JARID2: variants seen among roughly 807,000 people sequenced by gnomAD.
The protein encoded by JARID2 is jumonji and AT-rich interaction domain containing 2.
JARID2 carries 21 observed loss-of-function variants against 125.6 expected under a neutral mutation model. The observed-to-expected ratio is 0.17, with a 90% CI of 0.12 to 0.24. JARID2 has a LOEUF of 0.24. Among genes scored for constraint, JARID2 ranks in the 10% least tolerant of loss-of-function variants. The pLI, the probability that JARID2 is intolerant of heterozygous loss-of-function variation, is 1.00. For synonymous variants in JARID2, 736 were observed against 661.6 expected, an observed-to-expected ratio of 1.11 and a Z score of -1.73; for missense variants, 1,303 against 1,639.6, an observed-to-expected ratio of 0.79 and a Z score of 3.55.
At chr6:15,482,385 A>G (rs891839552) in intron 5 of JARID2, among the ~76,000 whole-genome samples, 4 of 152,232 alleles carry the variant, frequency 2.6e-5, no homozygotes, top group African/African-American at 9.6e-5. Context: ...TTTAATTCTC[A>G]TATCTACCAT....
chr6:15,476,717 C>T (rs1482057069), intron 5 of JARID2, among the ~76,000 whole-genome samples: 1 of 152,204 alleles, frequency 6.6e-6, no homozygotes, highest in East Asian at 1.9e-4. Context: ...TTCCAAAATA[C>T]TCTTCCATAT....
intron 4 of JARID2, among the ~76,000 whole-genome samples, chr6:15,458,885 G>A (rs530942456): frequency 1.3e-5 from 2 of 152,314 alleles, no homozygotes; most frequent in East Asian, 3.9e-4. Flanking sequence ...GTTAGGATAA[G>A]CCTCAGATTC....
intron 2 of JARID2, among the ~76,000 whole-genome samples, chr6:15,375,027 C>G (rs540049886): frequency 3.3e-5 from 5 of 152,294 alleles, no homozygotes; most frequent in South Asian, 2.1e-4. Context: ...AGGTTCTGTT[C>G]TTTTTTGAGA....
intron 8 of JARID2, among the ~76,000 whole-genome samples, chr6:15,504,013 G>T (rs1383395319): frequency 6.6e-6 from 1 of 152,224 alleles, no homozygotes; most frequent in Non-Finnish European, 1.5e-5. Context: ...TGTTAATATG[G>T]CAAGGACTCT....
intron 1 of JARID2, among the ~76,000 whole-genome samples, chr6:15,331,355 A>C (rs1561796452): frequency 6.6e-6 from 1 of 150,952 alleles, no homozygotes; most frequent in African/African-American, 2.4e-5. Context: ...AAAAACAAAA[A>C]CAAAAAAAAC....
At chr6:15,357,067 T>A (rs997593427) in intron 1 of JARID2, among the ~76,000 whole-genome samples, 1 of 152,204 alleles carries the variant, frequency 6.6e-6, no homozygotes, top group Non-Finnish European at 1.5e-5. Flanking sequence ...GTTACTTGGC[T>A]ATGTGTTCTA....
At chr6:15,514,572 G>A (rs1021749335) in intron 16 of JARID2, among the ~76,000 whole-genome samples, 10 of 152,154 alleles carry the variant, frequency 6.6e-5, no homozygotes, top group Admixed American at 2.0e-4. Context: ...GTCTCACCCC[G>A]AGTCCTGGCG....
intron 1 of JARID2, among the ~76,000 whole-genome samples, chr6:15,305,887 T>G (rs778312848): frequency 6.6e-6 from 1 of 152,252 alleles, no homozygotes; most frequent in Non-Finnish European, 1.5e-5. Context: ...TTTAGGTATT[T>G]GTGTTATATG....
intron 2 of JARID2, among the ~76,000 whole-genome samples, chr6:15,381,209 AT>A (rs2127527426): frequency 6.6e-6 from 1 of 151,466 alleles, no homozygotes; most frequent in Non-Finnish European, 1.5e-5. Context: ...AAAAAAAAAA[AT>A]TAGCCGGGCG....
At chr6:15,415,458 T>TCCCTCCC (rs1561847120) in intron 3 of JARID2, among the ~76,000 whole-genome samples, 7 of 135,218 alleles carry the variant, frequency 5.2e-5, no homozygotes, top group Non-Finnish European at 1.6e-5. Flanking sequence ...CACCCCCACC[T>TCCCTCCC]CCCTCCCGCA....
At chr6:15,492,910 A>G (rs1162702789) in intron 6 of JARID2, among the ~76,000 whole-genome samples, 1 of 152,182 alleles carries the variant, frequency 6.6e-6, no homozygotes, top group Non-Finnish European at 1.5e-5. Flanking sequence ...AACTCCTATA[A>G]TAAGAAGGAA....
chr6:15,396,148 G>A (rs17576710), intron 2 of JARID2, among the ~76,000 whole-genome samples: 13,100 of 152,160 alleles, frequency 0.086, 756 homozygotes, highest in South Asian at 0.16. Context: ...TTCATTAACC[G>A]GATCACCTTC....
At chr6:15,394,467 GC>G (rs1205553007) in intron 2 of JARID2, among the ~76,000 whole-genome samples, 1 of 152,144 alleles carries the variant, frequency 6.6e-6, no homozygotes, top group Non-Finnish European at 1.5e-5. Context: ...GGGTGTGGTG[GC>G]GCCTACCTGT....
At chr6:15,457,386 A>G (rs537645671) in intron 4 of JARID2, among the ~76,000 whole-genome samples, 3 of 152,186 alleles carry the variant, frequency 2.0e-5, no homozygotes, top group Non-Finnish European at 4.4e-5. Flanking sequence ...GCTGATTCCA[A>G]AGCAAACATA....
chr6:15,393,729 G>A (rs1280982697), intron 2 of JARID2, among the ~76,000 whole-genome samples: 1 of 152,140 alleles, frequency 6.6e-6, no homozygotes, highest in African/African-American at 2.4e-5. Flanking sequence ...AGTGATTACT[G>A]GTATATTGGG....
At position 15,373,968 on chromosome 6, in the gene JARID2, T is replaced by C; in HGVS notation, c.46-149T>C. On this transcript the variant is annotated intron_variant, in intron 1 of 17. Transcript: ENST00000341776. ...CTGTTCAGAAAGGTCATTGCCCCTT[T>C]ACCTTATGGGTGTAATTCTGACATT... The C allele has an allele frequency of 6.1e-6, 5 of 822,928 alleles. No individual in the cohort carries two copies. In the South Asian group the frequency reaches 9.2e-5, roughly 15 times the overall value. The allele number at this position is 822,928 out of a possible 1,614,324, so 51.0% of individuals were successfully genotyped here. A position where few individuals can be genotyped will look rare whatever the true frequency, so the allele number is the denominator to read the frequency against.
intron 1 of JARID2, among the ~76,000 whole-genome samples, chr6:15,304,136 G>GGC (rs1761725921): frequency 6.6e-6 from 1 of 152,130 alleles, no homozygotes; most frequent in South Asian, 2.1e-4. Context: ...AGGTGATAGT[G>GGC]GCTACTCCCG....
At chr6:15,498,126 C>G (rs1243987786) in intron 7 of JARID2, among the ~76,000 whole-genome samples, 1 of 152,204 alleles carries the variant, frequency 6.6e-6, no homozygotes, top group African/African-American at 2.4e-5. Flanking sequence ...GCCCATAGCC[C>G]TCTAGGGTCC....
intron 3 of JARID2, among the ~76,000 whole-genome samples, chr6:15,418,119 C>T (rs557762232): frequency 5.9e-5 from 9 of 152,162 alleles, no homozygotes; most frequent in African/African-American, 1.9e-4. Context: ...TGAGGAGATT[C>T]CATCGTGGCT....
Sources: gnomAD v4.1 joint callset for allele counts (sites outside exome capture counted in the v4.1 genomes callset) on GRCh38, gnomAD v4.1.1 for gene constraint, MANE v1.5 for transcripts, NCBI Gene and HGNC (gene_info 2026-07-23, HGNC 2026-07-21) for gene names.